HS3ST4: variants seen among roughly 807,000 people sequenced by gnomAD.
HS3ST4 encodes heparan sulfate-glucosamine 3-sulfotransferase 4, also known as heparan sulfate glucosamine 3-O-sulfotransferase 4.
HS3ST4 carries 17 observed loss-of-function variants against 29.2 expected under a neutral mutation model. That is an observed-to-expected ratio of 0.58 (90% CI 0.40 to 0.87). The LOEUF is 0.87. Among genes scored for constraint, HS3ST4 ranks in the 40% least tolerant of loss-of-function variants. The probability of loss-of-function intolerance (pLI) is 0.00; values close to 1 mark genes in which losing one functional copy is unlikely to be tolerated. For synonymous variants in HS3ST4, 314 were observed against 285.7 expected (o/e 1.10, Z -1.00); for missense variants, 627 against 634.5 (o/e 0.99, Z 0.13).
chr16:26,128,738 G>C (rs1899378797), intron 1 of HS3ST4, among the ~76,000 whole-genome samples: 1 of 152,106 alleles, frequency 6.6e-6, no homozygotes, highest in Non-Finnish European at 1.5e-5. Context: ...CTCTATAATG[G>C]GCTCAGTGAA....
intron 1 of HS3ST4, among the ~76,000 whole-genome samples, chr16:26,070,151 G>C (rs1408793074): frequency 6.6e-6 from 1 of 152,134 alleles, no homozygotes; most frequent in Non-Finnish European, 1.5e-5. Context: ...CACAATGGTT[G>C]AACTAGTTTA....
At chr16:25,943,397 T>G (rs1216685782) in intron 1 of HS3ST4, among the ~76,000 whole-genome samples, 1 of 152,160 alleles carries the variant, frequency 6.6e-6, no homozygotes, top group Non-Finnish European at 1.5e-5. Context: ...TCACAGTGCT[T>G]AACCACTATG....
intron 1 of HS3ST4, among the ~76,000 whole-genome samples, chr16:25,774,904 G>A (rs1966846200): frequency 6.6e-6 from 1 of 152,204 alleles, no homozygotes; most frequent in African/African-American, 2.4e-5. Flanking sequence ...CAGGGATGCA[G>A]ACACCTTTGC....
At chr16:26,006,798 T>C (rs1191910122) in intron 1 of HS3ST4, among the ~76,000 whole-genome samples, 1 of 152,234 alleles carries the variant, frequency 6.6e-6, no homozygotes, top group Non-Finnish European at 1.5e-5. Context: ...ATTATTTATA[T>C]CTACACCTTG....
rs11314900 is a variant in HS3ST4 at position 25,737,905 on chromosome 16, CTT to C, written c.734+44772_734+44773del. On this transcript the variant is annotated intron_variant, in intron 1 of 1. Transcript: ENST00000331351. ...GAAACCATGTAGATACCTGTAGCTTCTTTTTTTTTTTTTTTTTTTGGTGGAGT... is the reference window on the plus strand; with the variant it reads ...GAAACCATGTAGATACCTGTAGCTTCTTTTTTTTTTTTTTTTTGGTGGAGT... Among the ~76,000 whole-genome samples, 1,020 of 125,734 alleles carry C rather than the reference CTT, an allele frequency of 8.1e-3. 18 individuals carry two copies. Among genetic ancestry groups the C allele is most frequent in the African/African-American group, 0.019 (578 of 30,938 alleles). 82.5% of individuals were successfully genotyped at this position (125,734 alleles called of 152,430 possible).
intron 1 of HS3ST4, among the ~76,000 whole-genome samples, chr16:25,988,370 A>C (rs1969082849): frequency 1.3e-5 from 2 of 151,994 alleles, no homozygotes; most frequent in South Asian, 4.2e-4. Context: ...GCCCTCCCCC[A>C]AGCTGAGGCC....
intron 1 of HS3ST4, among the ~76,000 whole-genome samples, chr16:25,995,553 C>A (rs1249081547): frequency 6.6e-6 from 1 of 152,166 alleles, no homozygotes; most frequent in African/African-American, 2.4e-5. Context: ...GAGTTTCATG[C>A]CTATCCCTGA....
At chr16:25,892,400 C>T (rs763374064) in intron 1 of HS3ST4, among the ~76,000 whole-genome samples, 3 of 152,200 alleles carry the variant, frequency 2.0e-5, no homozygotes, top group Non-Finnish European at 4.4e-5. Flanking sequence ...CTCTGTGTCT[C>T]ATTGAGCCTC....
intron 1 of HS3ST4, among the ~76,000 whole-genome samples, chr16:25,842,252 A>C (rs1967422650): frequency 6.6e-6 from 1 of 152,220 alleles, no homozygotes; most frequent in Admixed American, 6.5e-5. Flanking sequence ...ACTATGAACC[A>C]CTTCTTCCAG....
intron 1 of HS3ST4, among the ~76,000 whole-genome samples, chr16:26,134,470 T>C (rs1596693951): frequency 6.6e-6 from 1 of 151,180 alleles, no homozygotes; most frequent in African/African-American, 2.4e-5. Flanking sequence ...CCAAGTGATT[T>C]TCCTGCCTCA....
intron 1 of HS3ST4, among the ~76,000 whole-genome samples, chr16:26,001,138 T>A (rs1345725230): frequency 6.6e-6 from 1 of 152,164 alleles, no homozygotes; most frequent in African/African-American, 2.4e-5. Context: ...ATATTTTAAG[T>A]CAATTTACAA....
intron 1 of HS3ST4, among the ~76,000 whole-genome samples, chr16:25,906,564 A>G (rs1399479251): frequency 6.6e-6 from 1 of 152,194 alleles, no homozygotes; most frequent in African/African-American, 2.4e-5. Flanking sequence ...TAAAACAGGT[A>G]AGCAGATAAA....
At chr16:25,964,563 G>A (rs550915248) in intron 1 of HS3ST4, among the ~76,000 whole-genome samples, 3 of 152,204 alleles carry the variant, frequency 2.0e-5, no homozygotes, top group East Asian at 1.9e-4. Context: ...GAAAACTGAG[G>A]CATCTTTAAA....
Position 25,692,997 on chromosome 16 carries a change from G to C in HS3ST4, c.580G>C (p.Glu194Gln). ...GGAVSTPDYGEKKLPQALIIG... is the reference protein window; with the variant it reads ...GGAVSTPDYGQKKLPQALIIG... The stretch of plus-strand genomic sequence containing the variant: ...CGCCGTCAGCACCCCCGACTATGGG[G>C]AGAAGAAGCTGCCACAGGCGCTCAT... Residue 194 changes from glutamate (E) to glutamine (Q), a missense_variant, in exon 1 of 2, where the codon GAG becomes CAG. By Grantham distance (29) the Glu-to-Gln change is conservative (BLOSUM62 2). Around this residue, in one of 2 missense-constraint regions of HS3ST4, gnomAD observed 402 missense variants for 340.8 expected, o/e 1.18. Transcript: ENST00000331351. The C allele has an allele frequency of 1.2e-6, 2 of 1,611,482 alleles. No homozygotes were observed. The highest frequency in any genetic ancestry group is 2.2e-5 in the South Asian group (2 of 90,900).
At chr16:26,000,753 G>T (rs1427474601) in intron 1 of HS3ST4, among the ~76,000 whole-genome samples, 1 of 152,136 alleles carries the variant, frequency 6.6e-6, no homozygotes, top group Non-Finnish European at 1.5e-5. Context: ...AAATTTAAGG[G>T]CATTGAATGC....
At chr16:25,838,343 GCT>G (rs1356773071) in intron 1 of HS3ST4, among the ~76,000 whole-genome samples, 27 of 152,104 alleles carry the variant, frequency 1.8e-4, no homozygotes, top group African/African-American at 6.0e-4. Context: ...TTTATTGCAT[GCT>G]CTCTCTCTCT....
intron 1 of HS3ST4, among the ~76,000 whole-genome samples, chr16:25,925,412 C>T (rs1237112355): frequency 6.6e-6 from 1 of 152,082 alleles, no homozygotes; most frequent in Non-Finnish European, 1.5e-5. Context: ...TCTTTAAAAG[C>T]TTCCTGGGCA....
intron 1 of HS3ST4, among the ~76,000 whole-genome samples, chr16:25,696,258 C>G (rs546526621): frequency 3.7e-4 from 56 of 152,274 alleles, no homozygotes; most frequent in African/African-American, 1.3e-3. Flanking sequence ...AAGGCAAAGC[C>G]ACAGTGCACT....
chr16:26,061,162 GTTC>G (rs1898470574), intron 1 of HS3ST4, among the ~76,000 whole-genome samples: 2 of 152,294 alleles, frequency 1.3e-5, no homozygotes, highest in East Asian at 1.9e-4. Flanking sequence ...ACTTGTCAAA[GTTC>G]TTCTTATCTT....
Sources: allele counts gnomAD v4.1 joint callset (sites outside exome capture counted in the v4.1 genomes callset), GRCh38; gene constraint gnomAD v4.1.1; regional missense constraint gnomAD v4.1.1; transcripts MANE v1.5; gene names NCBI Gene and HGNC (gene_info 2026-07-23, HGNC 2026-07-21).